The following CRPPA variants were observed in gnomAD, a reference collection of about 807,000 sequenced individuals.
CRPPA encodes the protein CDP-L-ribitol pyrophosphorylase A, also known as D-ribitol-5-phosphate cytidylyltransferase.
A neutral mutation model predicts 52.0 loss-of-function variants in CRPPA; 43 were observed. That is an observed-to-expected ratio of 0.83 (90% confidence interval 0.65 to 1.07). The LOEUF (loss-of-function observed/expected upper bound fraction) is 1.07. Ranked by LOEUF, CRPPA falls within the 50% of genes least tolerant of loss-of-function variation. CRPPA has a pLI of 0.00. For synonymous variants in CRPPA, 250 were observed against 203.5 expected, an observed-to-expected ratio of 1.23 and a Z score of -1.94; for missense variants, 629 against 551.7, an observed-to-expected ratio of 1.14 and a Z score of -1.40.
intron 2 of CRPPA, among the ~76,000 whole-genome samples, chr7:16,396,410 A>G (rs1019424867): frequency 7.9e-5 from 12 of 152,212 alleles, no homozygotes; most frequent in African/African-American, 2.9e-4. Context: ...CAAAACCTAA[A>G]AAAAACAGTA....
chr7:16,369,913 GTCT>G (rs1382258875), intron 3 of CRPPA, among the ~76,000 whole-genome samples: 2 of 152,216 alleles, frequency 1.3e-5, no homozygotes, highest in African/African-American at 4.8e-5. Context: ...GAGGGGGAAA[GTCT>G]GCCTCCAATC....
At chr7:16,260,477 C>G (rs925661630) in intron 6 of CRPPA, among the ~76,000 whole-genome samples, 4 of 151,942 alleles carry the variant, frequency 2.6e-5, no homozygotes, top group Non-Finnish European at 5.9e-5. Context: ...AATTGGAATT[C>G]AGAAAAAAAC....
intron 3 of CRPPA, among the ~76,000 whole-genome samples, chr7:16,323,829 A>T (rs533976600): frequency 5.0e-4 from 76 of 152,356 alleles, no homozygotes; most frequent in African/African-American, 1.8e-3. Flanking sequence ...CATTGTGCAA[A>T]AAAAAGCACA....
At chr7:16,286,019 T>TAAA (rs1562608190) in intron 5 of CRPPA, among the ~76,000 whole-genome samples, 2 of 15,070 alleles carry the variant, frequency 1.3e-4, no homozygotes, top group African/African-American at 6.9e-4. Context: ...AAACTCCATC[T>TAAA]CAAAAAAAAA....
chr7:16,313,768 T>C (rs1785086799), intron 3 of CRPPA, among the ~76,000 whole-genome samples: 1 of 152,034 alleles, frequency 6.6e-6, no homozygotes, highest in Non-Finnish European at 1.5e-5. Context: ...TTTATGTGTG[T>C]TATTTAAGAG....
intron 2 of CRPPA, among the ~76,000 whole-genome samples, chr7:16,380,581 GT>G (rs1787056643): frequency 6.6e-6 from 1 of 152,114 alleles, no homozygotes; most frequent in Non-Finnish European, 1.5e-5. Context: ...GTTCTTCCTT[GT>G]ACCTCTGGTA....
intron 4 of CRPPA, among the ~76,000 whole-genome samples, chr7:16,308,004 G>A (rs75612320): frequency 0.037 from 5,697 of 152,056 alleles, 351 homozygotes; most frequent in African/African-American, 0.13. Flanking sequence ...TAACCATGGA[G>A]GTGAGACCTG....
At chr7:16,095,137 T>C (rs902988657) in intron 9 of CRPPA, among the ~76,000 whole-genome samples, 1 of 152,162 alleles carries the variant, frequency 6.6e-6, no homozygotes, top group African/African-American at 2.4e-5. Context: ...CATACTCCTT[T>C]CAAAAAGATA....
chr7:16,396,943 G>A (rs1436347848), intron 2 of CRPPA, among the ~76,000 whole-genome samples: 1 of 152,184 alleles, frequency 6.6e-6, no homozygotes, highest in African/African-American at 2.4e-5. Flanking sequence ...AAAAACAACT[G>A]TGACATGTGA....
chr7:16,325,589 C>T (rs1429031574), intron 3 of CRPPA, among the ~76,000 whole-genome samples: 1 of 152,168 alleles, frequency 6.6e-6, no homozygotes, highest in East Asian at 1.9e-4. Context: ...GACAGCATCA[C>T]TGACAACCAT....
chr7:16,122,559 T>A (rs1344471631), intron 9 of CRPPA, among the ~76,000 whole-genome samples: 1 of 152,056 alleles, frequency 6.6e-6, no homozygotes, highest in Non-Finnish European at 1.5e-5. Flanking sequence ...TTCTATAACA[T>A]GAAAAATGAA....
chr7:16,348,227 G>T (rs1479129133), intron 3 of CRPPA, among the ~76,000 whole-genome samples: 1 of 152,164 alleles, frequency 6.6e-6, no homozygotes, highest in African/African-American at 2.4e-5. Context: ...GAATTTGTCT[G>T]TCCATTGAAT....
At position 16,396,871 on chromosome 7, in the gene CRPPA, T is replaced by C. The variant is rs556882206; in HGVS notation, c.534+9190A>G. Among the ~76,000 whole-genome samples the C allele has an allele frequency of 1.4e-4, 22 of 152,332 alleles. No homozygotes were observed. In the South Asian group the frequency reaches 3.5e-3, roughly 24 times the overall value. On this transcript the variant is annotated intron_variant, in intron 2 of 9. Transcript: ENST00000407010. The stretch of plus-strand genomic sequence containing the variant: ...CACGTAATGGAAGATGACACATGAC[T>C]GAAAGCACATGTGACAAAAATGTGA...
chr7:16,099,530 G>A (rs1782001433), intron 9 of CRPPA, among the ~76,000 whole-genome samples: 1 of 151,492 alleles, frequency 6.6e-6, no homozygotes, highest in African/African-American at 2.4e-5. Flanking sequence ...GAAGGAGAAG[G>A]GAAGGGAAAG....
Position 16,112,667 on chromosome 7 carries a change from G to T in CRPPA, c.1252-20868C>A, listed in dbSNP as rs115483613. Among the ~76,000 whole-genome samples the T allele has an allele frequency of 6.2e-3, 940 of 152,208 alleles. 12 individuals are homozygous for T. The highest frequency in any genetic ancestry group is 0.021 in the African/African-American group (886 of 41,526). ...AAAAGAGACATTGTACTATGTGCAA[G>T]GACTTTGAAAGTAGTGCAATTAATG... On this transcript the variant is annotated intron_variant, in intron 9 of 9. Coordinates refer to ENST00000407010, the MANE Select transcript of CRPPA (RefSeq NM_001101426.4).
chr7:16,194,355 C>G (rs1781682609), intron 9 of CRPPA, among the ~76,000 whole-genome samples: 1 of 152,096 alleles, frequency 6.6e-6, no homozygotes, highest in Non-Finnish European at 1.5e-5. Context: ...TTCCTCAGAG[C>G]TTTTACACAC....
intron 9 of CRPPA, among the ~76,000 whole-genome samples, chr7:16,093,978 T>C (rs1781888136): frequency 6.6e-6 from 1 of 152,184 alleles, no homozygotes; most frequent in African/African-American, 2.4e-5. Flanking sequence ...CAGTTTATAC[T>C]TGTTATAATG....
intron 6 of CRPPA, among the ~76,000 whole-genome samples, chr7:16,275,092 G>A (rs992118176): frequency 6.6e-6 from 1 of 151,948 alleles, no homozygotes; most frequent in African/African-American, 2.4e-5. Flanking sequence ...AATAATATTA[G>A]TGGGTAGGGA....
At chr7:16,128,248 A>G (rs1172865169) in intron 9 of CRPPA, among the ~76,000 whole-genome samples, 1 of 152,160 alleles carries the variant, frequency 6.6e-6, no homozygotes, top group Admixed American at 6.6e-5. Flanking sequence ...AAACCTGCAT[A>G]TGTACCCTCA....
Sources: gnomAD v4.1 joint callset for allele counts (sites outside exome capture counted in the v4.1 genomes callset) on GRCh38, gnomAD v4.1.1 for gene constraint, MANE v1.5 for transcripts, NCBI Gene and HGNC (gene_info 2026-07-23, HGNC 2026-07-21) for gene names.